DPP6: variants seen among roughly 807,000 people sequenced by gnomAD.
DPP6 encodes dipeptidyl peptidase like 6.
DPP6 carries 69 observed loss-of-function variants against 122.6 expected under a neutral mutation model. That is an observed-to-expected ratio of 0.56 (90% CI 0.46 to 0.69). DPP6 has a LOEUF of 0.69. Ranked by LOEUF, DPP6 falls within the 30% of genes least tolerant of loss-of-function variation. DPP6 has a pLI of 0.00. For missense variants in DPP6, 928 were observed against 1,116.9 expected, an observed-to-expected ratio of 0.83 and a Z score of 2.41; for synonymous variants, 418 against 433.1, an observed-to-expected ratio of 0.97 and a Z score of 0.43.
At chr7:154,112,725 C>T (rs1263258340) in intron 1 of DPP6, among the ~76,000 whole-genome samples, 1 of 152,000 alleles carries the variant, frequency 6.6e-6, no homozygotes, top group Non-Finnish European at 1.5e-5. Context: ...TAACTACAAA[C>T]TTTCTTTTCT....
At chr7:154,041,203 C>T (rs937399749) in intron 1 of DPP6, among the ~76,000 whole-genome samples, 3 of 152,092 alleles carry the variant, frequency 2.0e-5, no homozygotes, top group Non-Finnish European at 2.9e-5. Context: ...ATTTAAGAGG[C>T]CTTCGAGCAT....
At position 154,131,398 on chromosome 7, in the gene DPP6, C is replaced by A. The variant is rs142726828; in HGVS notation, c.243+78335C>A. Among the ~76,000 whole-genome samples the A allele has an allele frequency of 5.0e-3, 763 of 152,342 alleles. 2 individuals carry two copies. Among genetic ancestry groups the A allele is most frequent in the African/African-American group, 0.018 (729 of 41,570 alleles). Reference sequence around the variant, plus strand: ...GATGATCTCAAAGGCCTTTTCCCTTCAGATATTCTCTGACTGTGACTGCTT... The same window carrying A: ...GATGATCTCAAAGGCCTTTTCCCTTAAGATATTCTCTGACTGTGACTGCTT... On this transcript the variant is annotated intron_variant, in intron 1 of 25. Transcript: ENST00000377770.
chr7:154,645,216 C>G (rs866927072), intron 6 of DPP6, among the ~76,000 whole-genome samples: 22 of 151,872 alleles, frequency 1.4e-4, no homozygotes, highest in African/African-American at 5.1e-4. Flanking sequence ...CAGGCGCCCA[C>G]CACCACGCCC....
intron 23 of DPP6, among the ~76,000 whole-genome samples, chr7:154,887,996 C>T (rs145261503): frequency 6.6e-5 from 10 of 151,800 alleles, no homozygotes; most frequent in South Asian, 4.2e-4. Flanking sequence ...TATTTGATGG[C>T]GGAGTCAGTC....
chr7:154,005,055 A>T (rs1418735977), intron 1 of DPP6, among the ~76,000 whole-genome samples: 1 of 152,210 alleles, frequency 6.6e-6, no homozygotes, highest in Non-Finnish European at 1.5e-5. Flanking sequence ...AAAAAAAAGC[A>T]TATGACTTTG....
intron 1 of DPP6, among the ~76,000 whole-genome samples, chr7:153,905,115 C>T (rs762074894): frequency 2.6e-5 from 4 of 152,222 alleles, no homozygotes; most frequent in Non-Finnish European, 4.4e-5. Context: ...GGGCAGCACC[C>T]TCTCTGTAAT....
intron 1 of DPP6, among the ~76,000 whole-genome samples, chr7:153,936,715 G>A (rs1282459945): frequency 6.6e-6 from 1 of 152,076 alleles, no homozygotes; most frequent in African/African-American, 2.4e-5. Context: ...GGAGGCTGAG[G>A]CAGGAAAATG....
chr7:153,910,819 C>CG (rs1352242841), intron 1 of DPP6, among the ~76,000 whole-genome samples: 13 of 152,128 alleles, frequency 8.5e-5, no homozygotes, highest in Non-Finnish European at 1.6e-4. Flanking sequence ...CACAGCCAAT[C>CG]CCCACATCAA....
In DPP6 at chr7:154,052,855, T is replaced by G. The variant is rs1585235285; in HGVS notation, c.35T>G (p.Ile12Ser). The G allele has an allele frequency of 6.5e-7, 1 of 1,537,736 alleles. No homozygotes were observed. ...CTGTACCAGAGGTTCACTGGCAAGA[T>G]CAACACCTCGAGGTCCTTCCCCGCG... Reference protein sequence around the residue: ...ASLYQRFTGKINTSRSFPAPP... With the variant: ...ASLYQRFTGKSNTSRSFPAPP... Residue 12 changes from isoleucine (I) to serine (S), a missense_variant, in exon 1 of 26, where the codon ATC becomes AGC. Coordinates refer to ENST00000377770, the MANE Select transcript of DPP6 (RefSeq NM_130797.4). This position sits in a 1 kb window ranked among gnomAD's most constrained non-coding sequence, Gnocchi z 4.8.
At chr7:153,852,008 G>A in the DPP6 span, among the ~76,000 whole-genome samples, 1 of 152,040 alleles carries the variant, frequency 6.6e-6, no homozygotes, top group Non-Finnish European at 1.5e-5. Flanking sequence ...CCATCTCTCT[G>A]TGATGCTACT....
intron 1 of DPP6, among the ~76,000 whole-genome samples, chr7:153,902,860 A>C (rs1351255393): frequency 6.6e-6 from 1 of 152,128 alleles, no homozygotes; most frequent in Non-Finnish European, 1.5e-5. Flanking sequence ...TATAATTACA[A>C]GTTTTCTTAG....
At chr7:154,228,919 A>G (rs1056122543) in intron 1 of DPP6, among the ~76,000 whole-genome samples, 1 of 152,182 alleles carries the variant, frequency 6.6e-6, no homozygotes, top group African/African-American at 2.4e-5. Context: ...TAAGATTAGG[A>G]AACAAAAAGA....
At chr7:154,321,367 G>C (rs1011699975) in intron 1 of DPP6, among the ~76,000 whole-genome samples, 1 of 152,106 alleles carries the variant, frequency 6.6e-6, no homozygotes, top group Non-Finnish European at 1.5e-5. Context: ...CACTGGGTCT[G>C]GGGTGCAGGG....
upstream of DPP6, among the ~76,000 whole-genome samples, chr7:153,882,449 G>C (rs1051701901): frequency 1.3e-5 from 2 of 152,174 alleles, no homozygotes; most frequent in Non-Finnish European, 1.5e-5. Context: ...TAAACTTCTA[G>C]TAATAAGCAA....
intron 1 of DPP6, among the ~76,000 whole-genome samples, chr7:153,945,824 C>T (rs1385119762): frequency 6.6e-6 from 1 of 152,170 alleles, no homozygotes; most frequent in Non-Finnish European, 1.5e-5. Flanking sequence ...TTATCCTTGT[C>T]CTCGTCTAAC....
intron 1 of DPP6, among the ~76,000 whole-genome samples, chr7:153,939,040 AT>A (rs539278464): frequency 1.8e-4 from 27 of 152,118 alleles, no homozygotes; most frequent in African/African-American, 2.7e-4. Flanking sequence ...AATAAAATGC[AT>A]TTTTTTTCTG....
intron 1 of DPP6, among the ~76,000 whole-genome samples, chr7:154,024,573 C>T (rs4421278): frequency 0.098 from 14,857 of 152,020 alleles, 886 homozygotes; most frequent in East Asian, 0.19. Context: ...TCAGGGAGCA[C>T]GTTGAATTGG....
rs1808478741 is a variant in DPP6 at position 154,326,735 on chromosome 7, A to T, written c.244-119479A>T. On this transcript the variant is annotated intron_variant, in intron 1 of 25. Coordinates refer to ENST00000377770, the MANE Select transcript of DPP6 (RefSeq NM_130797.4). ...AAATAATATCAGTTGGTTTCCCCATAATAATTTTTTCTAGAGAGCTAGCTG... is the reference window on the plus strand; with the variant it reads ...AAATAATATCAGTTGGTTTCCCCATTATAATTTTTTCTAGAGAGCTAGCTG... Among the ~76,000 whole-genome samples, 7 of 152,334 alleles carry T rather than the reference A, an allele frequency of 4.6e-5. No individual in the cohort carries two copies. The South Asian group carries it at 1.5e-3, about 32-fold the overall frequency.
intron 1 of DPP6, among the ~76,000 whole-genome samples, chr7:154,400,713 G>T (rs988894931): frequency 3.3e-5 from 5 of 152,152 alleles, no homozygotes; most frequent in Non-Finnish European, 5.9e-5. Flanking sequence ...ATAGATATTT[G>T]CAGGTAATTG....
Sources: gnomAD v4.1 joint callset for allele counts (sites outside exome capture counted in the v4.1 genomes callset) on GRCh38, gnomAD v4.1.1 for gene constraint, Gnocchi (gnomAD v3.1) non-coding constraint, MANE v1.5 for transcripts, NCBI Gene and HGNC (gene_info 2026-07-23, HGNC 2026-07-21) for gene names.